GPX7: variants seen among roughly 807,000 people sequenced by gnomAD.
GPX7 encodes protein peroxidase GPX7.
Under a neutral mutation model 23.7 loss-of-function variants are expected in GPX7, and 21 were observed. The observed-to-expected ratio is 0.89, with a 90% CI of 0.63 to 1.28. The LOEUF (loss-of-function observed/expected upper bound fraction) is 1.28, where lower values mean the gene tolerates loss of function less well. GPX7 is among the 50% of genes most tolerant of loss of function. GPX7 has a pLI of 0.00. For missense variants in GPX7, 238 were observed against 237.3 expected (o/e 1.00, Z -0.02); for synonymous variants, 112 against 101.8 (o/e 1.10, Z -0.61).
chr1:52,606,958 C>T lies in GPX7; in HGVS notation c.400+13C>T, dbSNP rs772357538. The T allele has an allele frequency of 1.2e-6, 2 of 1,612,220 alleles. No individual in the cohort carries two copies. The highest frequency in any genetic ancestry group is 1.7e-6 in the Non-Finnish European group (2 of 1,178,496). On this transcript the variant is annotated intron_variant, in intron 2 of 2. Transcript: ENST00000361314. Reference sequence around the variant, plus strand: ...AAGTACCTGGCCCGTAAGTCCTGGTCTCTTCATCCCCTCACACCTCCCTTA... The same window carrying T: ...AAGTACCTGGCCCGTAAGTCCTGGTTTCTTCATCCCCTCACACCTCCCTTA...
At chr1:52,604,916 G>C (rs1257379993) in intron 1 of GPX7, among the ~76,000 whole-genome samples, 1 of 151,828 alleles carries the variant, frequency 6.6e-6, no homozygotes, top group Non-Finnish European at 1.5e-5. Context: ...ATGGTGGCGT[G>C]TGCCTGTAAT....
At chr1:52,608,186 A>G (rs1423307138) in intron 2 of GPX7, 76 bp from the exon 3 acceptor site, 1 of 1,378,392 alleles carries the variant, frequency 7.3e-7, no homozygotes, top group Non-Finnish European at 9.9e-7. Flanking sequence ...CACCAGGGAA[A>G]GATGGACACT....
At chr1:52,603,442 AACG>A (rs1174510712) in intron 1 of GPX7, among the ~76,000 whole-genome samples, 1 of 152,138 alleles carries the variant, frequency 6.6e-6, no homozygotes, top group Non-Finnish European at 1.5e-5. Context: ...ATGAGGCTGA[AACG>A]ACTGGCAAGG....
intron 1 of GPX7, among the ~76,000 whole-genome samples, chr1:52,604,580 CTG>C (rs112428223): frequency 6.6e-6 from 1 of 152,150 alleles, no homozygotes; most frequent in African/African-American, 2.4e-5. Context: ...AAATCTGAGT[CTG>C]TGTCTGTGCT....
At chr1:52,605,045 TAAAAAAAA>T (rs59749784) in intron 1 of GPX7, among the ~76,000 whole-genome samples, 2 of 83,672 alleles carry the variant, frequency 2.4e-5, no homozygotes, top group Non-Finnish European at 2.2e-5. Flanking sequence ...ACTCTGTCTT[TAAAAAAAA>T]AAAAAAAAAA....
At position 52,606,900 on chromosome 1, in the gene GPX7, G is replaced by A; in HGVS notation, c.355G>A (p.Ala119Thr). Residue 119 changes from alanine (A) to threonine (T), a missense_variant, in exon 2 of 3, where the codon GCA becomes ACA. By Grantham distance (58) the Ala-to-Thr change is moderately conservative. Coordinates refer to ENST00000361314, the MANE Select transcript of GPX7 (RefSeq NM_015696.5). ...CTCATTCCCCATGTTTAGCAAGATT[G>A]CAGTCACCGGTACTGGTGCCCATCC... ...SVSFPMFSKI[A>T]VTGTGAHPAF... The A allele has an allele frequency of 6.2e-7, 1 of 1,614,222 alleles. No homozygotes were observed. Among genetic ancestry groups the A allele is most frequent in the Non-Finnish European group, 8.5e-7 (1 of 1,180,036 alleles).
At chr1:52,608,207 T>C in intron 2 of GPX7, 55 bp from the exon 3 acceptor site, 2 of 1,507,516 alleles carry the variant, frequency 1.3e-6, no homozygotes, top group South Asian at 2.6e-5. Flanking sequence ...GAGAGTGAAG[T>C]CCCAGGAGAG....
chr1:52,603,757 C>A (rs1429403140), intron 1 of GPX7, among the ~76,000 whole-genome samples: 1 of 152,090 alleles, frequency 6.6e-6, no homozygotes. Context: ...TGATTGTCCC[C>A]CAGAGTGTCG....
intron 2 of GPX7, 153 bp downstream of exon 2, chr1:52,607,098 A>C: frequency 2.7e-6 from 2 of 742,718 alleles, no homozygotes; most frequent in Non-Finnish European, 4.6e-6. Flanking sequence ...TCCAGCACTA[A>C]TCTTTGAGGA....
chr1:52,603,237 C>T (rs1391787757), intron 1 of GPX7, among the ~76,000 whole-genome samples: 3 of 151,954 alleles, frequency 2.0e-5, no homozygotes, highest in Non-Finnish European at 2.9e-5. Context: ...TAATTGCCCC[C>T]TCATTACCAA....
intron 2 of GPX7, 65 bp from the exon 3 acceptor site, chr1:52,608,197 G>A: frequency 6.9e-7 from 1 of 1,452,418 alleles, no homozygotes; most frequent in South Asian, 1.3e-5. Context: ...GATGGACACT[G>A]AGAGTGAAGT....
chr1:52,606,717 G>A lies in GPX7; in HGVS notation c.172G>A (p.Gly58Ser), dbSNP rs750935402. Residue 58 changes from glycine (G) to serine (S), a missense_variant, in exon 2 of 3, where the codon GGC becomes AGC. By Grantham distance (56) the Gly-to-Ser change is moderately conservative (BLOSUM62 0). Coordinates refer to ENST00000361314, the MANE Select transcript of GPX7 (RefSeq NM_015696.5). ...GGTGGTGAATGTGGCCAGCGAGTGC[G>A]GCTTCACAGACCAGCACTACCGAGC... ...SLVVNVASEC[G>S]FTDQHYRALQ... 33 of 1,613,848 alleles carry A rather than the reference G, an allele frequency of 2.0e-5. No individual in the cohort carries two copies. The highest frequency in any genetic ancestry group is 2.3e-5 in the Non-Finnish European group (27 of 1,180,018).
chr1:52,604,969 C>T (rs539621407), intron 1 of GPX7, among the ~76,000 whole-genome samples: 3 of 149,800 alleles, frequency 2.0e-5, no homozygotes, highest in South Asian at 2.1e-4. Context: ...TGCTTGAACC[C>T]GGGAGGTGGA....
chr1:52,605,520 A>T (rs1385470792), intron 1 of GPX7, among the ~76,000 whole-genome samples: 1 of 152,234 alleles, frequency 6.6e-6, no homozygotes, highest in Non-Finnish European at 1.5e-5. Flanking sequence ...GGCACCGGCT[A>T]GGGTTTTAAA....
At chr1:52,607,705 T>G (rs1271289373) in intron 2 of GPX7, among the ~76,000 whole-genome samples, 1 of 152,214 alleles carries the variant, frequency 6.6e-6, no homozygotes, top group Non-Finnish European at 1.5e-5. Flanking sequence ...TGTTTTGCTC[T>G]GTGGCTCAGT....
At chr1:52,602,625 G>C (rs1690812206) in intron 1 of GPX7, 78 bp downstream of exon 1, 1 of 871,872 alleles carries the variant, frequency 1.1e-6, no homozygotes, top group Non-Finnish European at 1.6e-6. Context: ...CCCGCAGCCC[G>C]GTCCCCCGCG....
rs1690860652 is a variant in GPX7 at position 52,606,905 on chromosome 1, C to G, written c.360C>G (p.Val120=). 3 of 1,614,210 alleles carry G rather than the reference C, an allele frequency of 1.9e-6. No individual in the cohort carries two copies. The East Asian group carries it at 6.7e-5, about 36-fold the overall frequency. Reference sequence around the variant, plus strand: ...TCCCCATGTTTAGCAAGATTGCAGTCACCGGTACTGGTGCCCATCCTGCCT... The same window carrying G: ...TCCCCATGTTTAGCAAGATTGCAGTGACCGGTACTGGTGCCCATCCTGCCT... ...VSFPMFSKIA[V]TGTGAHPAFK... is the part of the protein sequence containing the mutation. The change falls in exon 2 of 3, where the codon GTC becomes GTG. Residue 120 remains valine (V), a synonymous_variant. Coordinates refer to ENST00000361314, the MANE Select transcript of GPX7 (RefSeq NM_015696.5).
At chr1:52,603,244 C>T (rs1330751462) in intron 1 of GPX7, among the ~76,000 whole-genome samples, 1 of 151,828 alleles carries the variant, frequency 6.6e-6, no homozygotes, top group Admixed American at 6.6e-5. Context: ...CCCCTCATTA[C>T]CAAGAGGGAA....
In GPX7 at chr1:52,608,429, C is replaced by T; in HGVS notation, c.*4C>T. Reference sequence around the variant, plus strand: ...ACTGAAGCGAGAAGACTTATAACCACCGCGTCTCCTCCTCCACCACCTCAT... The same window carrying T: ...ACTGAAGCGAGAAGACTTATAACCATCGCGTCTCCTCCTCCACCACCTCAT... On this transcript the variant is annotated 3_prime_UTR_variant, in exon 3 of 3. Transcript: ENST00000361314. 3.1e-6 allele frequency: 5 copies of T among 1,599,448 alleles called. No individual in the cohort carries two copies. The highest frequency in any genetic ancestry group is 4.3e-6 in the Non-Finnish European group (5 of 1,173,268).
Sources: gnomAD v4.1 joint callset for allele counts (sites outside exome capture counted in the v4.1 genomes callset) on GRCh38, gnomAD v4.1.1 for gene constraint, MANE v1.5 for transcripts, NCBI Gene and HGNC (gene_info 2026-07-23, HGNC 2026-07-21) for gene names.